The following JAKMIP1 variants were observed in gnomAD, a reference collection of about 807,000 sequenced individuals.
The protein encoded by JAKMIP1 is janus kinase and microtubule-interacting protein 1.
A neutral mutation model predicts 113.0 loss-of-function variants in JAKMIP1; 33 were observed. That is an observed-to-expected ratio of 0.29 (90% CI 0.22 to 0.39). JAKMIP1 has a LOEUF of 0.39. Among genes scored for constraint, JAKMIP1 ranks in the 10% least tolerant of loss-of-function variants. The pLI is 1.00. For synonymous variants in JAKMIP1, 480 were observed against 459.9 expected, an observed-to-expected ratio of 1.04 and a Z score of -0.56; for missense variants, 813 against 1,080.5, an observed-to-expected ratio of 0.75 and a Z score of 3.47.
rs1727483464 is a variant in JAKMIP1 at position 6,193,304 on chromosome 4, G to A, written c.-148+6949C>T. ...TGGGATTCAGACTGATCCGCCACTG[G>A]TTTCTTTGCTCCTCAACTTGCAGAC... On this transcript the variant is annotated intron_variant, in intron 1 of 20. Coordinates refer to ENST00000409021, the MANE Select transcript of JAKMIP1 (RefSeq NM_001099433.2). The surrounding 1 kb of genome is among the most constrained non-coding windows in gnomAD (Gnocchi z 6.4). Among the ~76,000 whole-genome samples the A allele has an allele frequency of 6.6e-6, 1 of 152,160 alleles. No homozygotes were observed. Among genetic ancestry groups the A allele is most frequent in the Non-Finnish European group, 1.5e-5 (1 of 68,034 alleles).
Position 6,064,885 on chromosome 4 carries a change from C to T in JAKMIP1, c.1426G>A (p.Asp476Asn), listed in dbSNP as rs1717833107. ...RTPATPEEDL[D>N]DATAREEADL... ...CTCTCTGCAGGTTTGCTTACATCGT[C>T]CAAGTCTTCTTCGGGCGTGGCTGGG... Residue 476 changes from aspartate (D) to asparagine (N), a missense_variant, in exon 9 of 21, where the codon GAC becomes AAC. Coordinates refer to ENST00000409021, the MANE Select transcript of JAKMIP1 (RefSeq NM_001099433.2). This position sits in a 1 kb window ranked among gnomAD's most constrained non-coding sequence, Gnocchi z 4.3. 1.9e-6 allele frequency: 3 copies of T among 1,613,976 alleles called. No individual in the cohort carries two copies. In the South Asian group the frequency reaches 3.3e-5, roughly 18 times the overall value.
rs1039726681 is a variant in JAKMIP1 at position 6,197,348 on chromosome 4, G to A, written c.-148+2905C>T. On this transcript the variant is annotated intron_variant, in intron 1 of 20. Transcript: ENST00000409021. The surrounding 1 kb of genome is among the most constrained non-coding windows in gnomAD (Gnocchi z 6.5). ...CTAAAGAAGGACCCCAAATGTGGGC[G>A]TGGGAGTTTGCTCTGTGACAAGGCT... 3.3e-5 allele frequency among the ~76,000 whole-genome samples: 5 copies of A among 152,262 alleles called. No homozygotes were observed. Among genetic ancestry groups the A allele is most frequent in the Admixed American group, 6.5e-5 (1 of 15,288 alleles).
At chr4:6,057,860 C>T (rs1716701667) in intron 11 of JAKMIP1, among the ~76,000 whole-genome samples, 1 of 152,240 alleles carries the variant, frequency 6.6e-6, no homozygotes, top group African/African-American at 2.4e-5. Context: ...TGCCCCCAAA[C>T]CATGGGGAAA....
At position 6,083,095 on chromosome 4, in the gene JAKMIP1, T is replaced by C. The variant is rs979546570; in HGVS notation, c.955-1340A>G. Among the ~76,000 whole-genome samples, 13 of 152,216 alleles carry C rather than the reference T, an allele frequency of 8.5e-5. No homozygotes were observed. In the South Asian group the frequency reaches 2.5e-3, roughly 29 times the overall value. Reference sequence around the variant, plus strand: ...TTTAAGAACCACTCCAAACTAGCAGTAGTTACCTCATGATTTTAAGATTGA... The same window carrying C: ...TTTAAGAACCACTCCAAACTAGCAGCAGTTACCTCATGATTTTAAGATTGA... On this transcript the variant is annotated intron_variant, in intron 5 of 20. Coordinates refer to ENST00000409021, the MANE Select transcript of JAKMIP1 (RefSeq NM_001099433.2).
At chr4:6,072,024 C>A (rs1719027293) in intron 8 of JAKMIP1, among the ~76,000 whole-genome samples, 1 of 152,262 alleles carries the variant, frequency 6.6e-6, no homozygotes, top group African/African-American at 2.4e-5. Flanking sequence ...AGCTGCCTTT[C>A]CTTTTGTTCC....
Position 6,049,002 on chromosome 4 carries a change from T to C in JAKMIP1, c.1963-80A>G, listed in dbSNP as rs1715328813. On this transcript the variant is annotated intron_variant, in intron 15 of 20. Coordinates refer to ENST00000409021, the MANE Select transcript of JAKMIP1 (RefSeq NM_001099433.2). The surrounding 1 kb of genome is among the most constrained non-coding windows in gnomAD (Gnocchi z 7.0). ...AGACAGTCAGCACCAAGCAAGTTTT[T>C]TTTTTTCGTTGTTGTTGTTTGTTTT... 7 of 1,032,178 alleles carry C rather than the reference T, an allele frequency of 6.8e-6. No homozygotes were observed. The highest frequency in any genetic ancestry group is 1.6e-5 in the African/African-American group (1 of 62,492). The allele number at this position is 1,032,178 out of a possible 1,614,324, so 63.9% of individuals were successfully genotyped here.
chr4:6,175,506 G>A (rs1315233794), intron 1 of JAKMIP1, among the ~76,000 whole-genome samples: 2 of 152,206 alleles, frequency 1.3e-5, no homozygotes, highest in African/African-American at 2.4e-5. Flanking sequence ...CTGACGAGAA[G>A]TCAGCAGACA....
rs1276703012 is a variant in JAKMIP1 at position 6,086,024 on chromosome 4, T to C, written c.625-395A>G. 2.0e-5 allele frequency among the ~76,000 whole-genome samples: 3 copies of C among 152,000 alleles called. No individual in the cohort carries two copies. The highest frequency in any genetic ancestry group is 4.2e-4 in the South Asian group (2 of 4,802). On this transcript the variant is annotated intron_variant, in intron 3 of 20. Transcript: ENST00000409021. This position sits in a 1 kb window ranked among gnomAD's most constrained non-coding sequence, Gnocchi z 4.1. Reference sequence around the variant, plus strand: ...CAGGACCATGTCTCCCTCTCAGTCATTGACCCTCTCCTGCCTGGCCACAAC... The same window carrying C: ...CAGGACCATGTCTCCCTCTCAGTCACTGACCCTCTCCTGCCTGGCCACAAC...
intron 19 of JAKMIP1, among the ~76,000 whole-genome samples, chr4:6,033,670 G>A (rs1000567848): frequency 2.6e-5 from 4 of 152,144 alleles, no homozygotes; most frequent in South Asian, 2.1e-4. Context: ...TGTCTGACCC[G>A]AGAGCCTATG....
chr4:6,177,743 C>A (rs1414916715), intron 1 of JAKMIP1, among the ~76,000 whole-genome samples: 1 of 152,158 alleles, frequency 6.6e-6, no homozygotes. Flanking sequence ...ATCAGTGCAA[C>A]CTCCTCCACT....
Position 6,076,144 on chromosome 4 carries a change from C to T in JAKMIP1, c.1302+2795G>A, listed in dbSNP as rs1719666227. On this transcript the variant is annotated intron_variant, in intron 8 of 20. Transcript: ENST00000409021. This position sits in a 1 kb window ranked among gnomAD's most constrained non-coding sequence, Gnocchi z 4.8. ...TGAGCCGAGATTGTGCCATTGCACT[C>T]CAGCCCAGGCAACAAGAGCGAAACT... Among the ~76,000 whole-genome samples the T allele has an allele frequency of 6.6e-6, 1 of 151,882 alleles. No individual in the cohort carries two copies. The highest frequency in any genetic ancestry group is 2.1e-4 in the South Asian group (1 of 4,810).
At position 6,183,394 on chromosome 4, in the gene JAKMIP1, G is replaced by A. The variant is rs1313574079; in HGVS notation, c.-148+16859C>T. On this transcript the variant is annotated intron_variant, in intron 1 of 20. Transcript: ENST00000409021. The surrounding 1 kb of genome is among the most constrained non-coding windows in gnomAD (Gnocchi z 5.3). ...CTTGGGAGGCCGAGGCAGGAGAGTC[G>A]CTTGAACCTGGGAGGCAGAGGTTAC... Among the ~76,000 whole-genome samples, 1 of 151,724 alleles carries A rather than the reference G, an allele frequency of 6.6e-6. No individual in the cohort carries two copies. The highest frequency in any genetic ancestry group is 1.9e-4 in the East Asian group (1 of 5,166).
At position 6,193,959 on chromosome 4, in the gene JAKMIP1, C is replaced by T. The variant is rs1727563449; in HGVS notation, c.-148+6294G>A. ...TACGCACCATGGAATACTACTCCGC[C>T]ATGAAGAAGAAGGAAGCAATGACAC... On this transcript the variant is annotated intron_variant, in intron 1 of 20. Transcript: ENST00000409021. The surrounding 1 kb of genome is among the most constrained non-coding windows in gnomAD (Gnocchi z 6.4). 6.6e-6 allele frequency among the ~76,000 whole-genome samples: 1 copy of T among 152,120 alleles called. No individual in the cohort carries two copies. The highest frequency in any genetic ancestry group is 2.4e-5 in the African/African-American group (1 of 41,414).
rs544650191 is a variant in JAKMIP1 at position 6,192,932 on chromosome 4, T to C, written c.-148+7321A>G. Among the ~76,000 whole-genome samples, 90 of 152,292 alleles carry C rather than the reference T, an allele frequency of 5.9e-4. No individual in the cohort carries two copies. Among genetic ancestry groups the C allele is most frequent in the Middle Eastern group, 3.4e-3 (1 of 294 alleles). ...GAGTGTCAACTTGATTGGTGAAGGA[T>C]GCAAAGTATTGTTCCTGGGTGTGTC... On this transcript the variant is annotated intron_variant, in intron 1 of 20. Coordinates refer to ENST00000409021, the MANE Select transcript of JAKMIP1 (RefSeq NM_001099433.2). This position sits in a 1 kb window ranked among gnomAD's most constrained non-coding sequence, Gnocchi z 5.0.
At chr4:6,034,576 T>C (rs4342146) in intron 19 of JAKMIP1, among the ~76,000 whole-genome samples, 41,933 of 152,076 alleles carry the variant, frequency 0.28, 9,904 homozygotes, top group African/African-American at 0.64. Flanking sequence ...CCTAGGTGGG[T>C]GGATCACTTG....
At chr4:6,100,569 T>C (rs894046931) in intron 3 of JAKMIP1, among the ~76,000 whole-genome samples, 7 of 152,214 alleles carry the variant, frequency 4.6e-5, no homozygotes, top group Non-Finnish European at 1.0e-4. Context: ...AGATATGTGT[T>C]TTCATTTCTC....
At chr4:6,196,817 T>A (rs987422015) in intron 1 of JAKMIP1, among the ~76,000 whole-genome samples, 3 of 148,916 alleles carry the variant, frequency 2.0e-5, no homozygotes, top group Non-Finnish European at 4.4e-5. Flanking sequence ...GCCAAAATTG[T>A]GCCATTGCAC....
At position 6,112,887 on chromosome 4, in the gene JAKMIP1, CCACACCTGTT is replaced by C; in HGVS notation, c.-47_-38del. ...GGTCAGAGTGCTGAGATCCTGCGGT[CCACACCTGTT>C]CACGCACGCCAGCCAGCAGGCGTGG... On this transcript the variant is annotated 5_prime_UTR_variant, in exon 2 of 21. An upstream open reading frame in the 5' UTR loses its in-frame stop. Transcript: ENST00000409021. 1 of 1,602,094 alleles carries C rather than the reference CCACACCTGTT, an allele frequency of 6.2e-7. No homozygotes were observed. Among genetic ancestry groups the C allele is most frequent in the South Asian group, 1.1e-5 (1 of 90,392 alleles).
chr4:6,169,622 T>TGTGG (rs1724102057), intron 1 of JAKMIP1, among the ~76,000 whole-genome samples: 1 of 151,732 alleles, frequency 6.6e-6, no homozygotes, highest in African/African-American at 2.4e-5. Context: ...TGTGTGTGTG[T>TGTGG]GTGTGTGTGT....
Sources: allele counts gnomAD v4.1 joint callset (sites outside exome capture counted in the v4.1 genomes callset), GRCh38; gene constraint gnomAD v4.1.1; non-coding constraint Gnocchi (gnomAD v3.1); transcripts MANE v1.5; gene names NCBI Gene and HGNC (gene_info 2026-07-23, HGNC 2026-07-21).